The following CAB39 variants were observed in gnomAD, a reference collection of about 807,000 sequenced individuals.
CAB39 encodes the protein calcium-binding protein 39.
CAB39 carries 8 observed loss-of-function variants against 40.0 expected under a neutral mutation model. The ratio of observed to expected loss-of-function variants is 0.20; its 90% CI spans 0.12 to 0.36. CAB39 has a LOEUF of 0.36. Ranked by LOEUF, CAB39 falls within the 10% of genes least tolerant of loss-of-function variation. The pLI is 1.00. For synonymous variants in CAB39, 156 were observed against 141.6 expected, an observed-to-expected ratio of 1.10 and a Z score of -0.72; for missense variants, 270 against 401.1, an observed-to-expected ratio of 0.67 and a Z score of 2.79.
In CAB39 at chr2:230,793,210, T is replaced by C. The variant is rs750698504; in HGVS notation, c.280-3T>C. ...AATGTGTTAATGATTGTATTCCTAA[T>C]AGGGCAAAAAAGACGTGGCTCAAAT... is the stretch of plus-strand genomic sequence containing the variant. On this transcript the variant is annotated splice_polypyrimidine_tract_variant and splice_region_variant and intron_variant, in intron 3 of 8. Transcript: ENST00000258418. 12 of 1,571,106 alleles carry C rather than the reference T, an allele frequency of 7.6e-6. No individual in the cohort carries two copies. Among genetic ancestry groups the C allele is most frequent in the Admixed American group, 3.4e-5 (2 of 59,248 alleles).
intron 1 of CAB39, among the ~76,000 whole-genome samples, chr2:230,752,406 C>CT (rs1484283211): frequency 1.3e-5 from 2 of 152,142 alleles, no homozygotes; most frequent in South Asian, 2.1e-4. Context: ...GTTCTGAAGA[C>CT]TAAGTCCCAG....
intron 2 of CAB39, among the ~76,000 whole-genome samples, chr2:230,789,142 A>G (rs1695848969): frequency 6.6e-6 from 1 of 152,038 alleles, no homozygotes; most frequent in Non-Finnish European, 1.5e-5. Flanking sequence ...ATTCTTATCT[A>G]CTATCTAATC....
rs76668184 is a variant in CAB39, at chr2:230,723,572, C to G, written c.-44+10342C>G. ...TTGTCTCACCTCCCAGACCCTTTTGCTCCTTTTAGTGCCCCACACTGTCCT... is the reference window on the plus strand; with the variant it reads ...TTGTCTCACCTCCCAGACCCTTTTGGTCCTTTTAGTGCCCCACACTGTCCT... On this transcript the variant is annotated intron_variant, in intron 1 of 8. Coordinates refer to ENST00000258418, the MANE Select transcript of CAB39 (RefSeq NM_016289.4). Among the ~76,000 whole-genome samples the G allele has an allele frequency of 8.7e-4, 133 of 152,296 alleles. 1 individual carries two copies. In the East Asian group the frequency reaches 0.021, roughly 24 times the overall value.
At chr2:230,761,050 CAG>C (rs1257607692) in intron 2 of CAB39, among the ~76,000 whole-genome samples, 2 of 149,554 alleles carry the variant, frequency 1.3e-5, no homozygotes, top group Non-Finnish European at 3.0e-5. Flanking sequence ...AGAAGTGTTT[CAG>C]AGTTTGGATT....
chr2:230,744,798 C>T (rs1694944954), intron 1 of CAB39, among the ~76,000 whole-genome samples: 1 of 152,206 alleles, frequency 6.6e-6, no homozygotes, highest in African/African-American at 2.4e-5. Flanking sequence ...GTATGAGTCT[C>T]TCAATAAGTA....
intron 1 of CAB39, among the ~76,000 whole-genome samples, chr2:230,732,804 G>T (rs556927519): frequency 2.0e-5 from 3 of 152,154 alleles, no homozygotes; most frequent in Non-Finnish European, 2.9e-5. Context: ...GCAACTAGTT[G>T]CCCACCTGGC....
At chr2:230,727,411 T>G (rs1694605543) in intron 1 of CAB39, among the ~76,000 whole-genome samples, 1 of 145,670 alleles carries the variant, frequency 6.9e-6, no homozygotes, top group Admixed American at 6.7e-5. Context: ...TTTTTTTTTC[T>G]TTTTCTTTTT....
At chr2:230,733,096 G>C (rs1053255310) in intron 1 of CAB39, among the ~76,000 whole-genome samples, 3 of 152,164 alleles carry the variant, frequency 2.0e-5, no homozygotes, top group Non-Finnish European at 2.9e-5. Context: ...ACATGCACAG[G>C]AAAGTTGACT....
At chr2:230,731,633 GC>G (rs1358835418) in intron 1 of CAB39, among the ~76,000 whole-genome samples, 1 of 152,172 alleles carries the variant, frequency 6.6e-6, no homozygotes, top group African/African-American at 2.4e-5. Flanking sequence ...CTCTCAAGTA[GC>G]TAGGACTACA....
At chr2:230,778,089 T>C (rs1369689671) in intron 2 of CAB39, among the ~76,000 whole-genome samples, 4 of 152,172 alleles carry the variant, frequency 2.6e-5, no homozygotes, top group African/African-American at 9.7e-5. Flanking sequence ...TTTTGTAAGG[T>C]TTTTAATGTC....
intron 1 of CAB39, among the ~76,000 whole-genome samples, chr2:230,735,164 T>G (rs892934006): frequency 2.0e-5 from 3 of 152,120 alleles, no homozygotes; most frequent in African/African-American, 7.2e-5. Flanking sequence ...AGCCATTATT[T>G]TATTTATTTT....
At chr2:230,743,533 GA>G (rs1490142083) in intron 1 of CAB39, among the ~76,000 whole-genome samples, 1 of 152,156 alleles carries the variant, frequency 6.6e-6, no homozygotes, top group Admixed American at 6.5e-5. Flanking sequence ...TAAAAATATT[GA>G]AAGTTTTGCC....
intron 1 of CAB39, among the ~76,000 whole-genome samples, chr2:230,740,686 G>A (rs538410185): frequency 1.4e-4 from 22 of 152,166 alleles, no homozygotes; most frequent in Non-Finnish European, 2.8e-4. Flanking sequence ...TAGGGTTCAC[G>A]CTCCTGTGAG....
intron 2 of CAB39, among the ~76,000 whole-genome samples, chr2:230,769,069 C>T (rs1162209782): frequency 1.3e-5 from 2 of 152,000 alleles, no homozygotes; most frequent in African/African-American, 4.8e-5. Flanking sequence ...AAAAGATAAA[C>T]TTTGTTAACA....
At position 230,727,517 on chromosome 2, in the gene CAB39, T is replaced by C. The variant is rs147006597; in HGVS notation, c.-44+14287T>C. Among the ~76,000 whole-genome samples, 1,318 of 150,916 alleles carry C rather than the reference T, an allele frequency of 8.7e-3. 10 individuals carry two copies. The highest frequency in any genetic ancestry group is 0.031 in the African/African-American group (1,257 of 41,086). On this transcript the variant is annotated intron_variant, in intron 1 of 8. Coordinates refer to ENST00000258418, the MANE Select transcript of CAB39 (RefSeq NM_016289.4). ...GTAGCCTCAACCTTCTGGGCTTGAG[T>C]GATCCTCCCTCCTCAGCTTCCTGAG...
At chr2:230,740,102 A>T (rs745746378) in intron 1 of CAB39, among the ~76,000 whole-genome samples, 5 of 152,206 alleles carry the variant, frequency 3.3e-5, no homozygotes, top group Non-Finnish European at 2.9e-5. Flanking sequence ...TTTTATGAAT[A>T]TGTGTGCATC....
intron 6 of CAB39, among the ~76,000 whole-genome samples, chr2:230,813,123 A>G (rs944112941): frequency 6.6e-6 from 1 of 152,228 alleles, no homozygotes; most frequent in Non-Finnish European, 1.5e-5. Flanking sequence ...CTAGTGCTGC[A>G]GACTTTCAGA....
rs1400305429 is a variant in CAB39 at position 230,748,330 on chromosome 2, T to C, written c.-43-11629T>C. Among the ~76,000 whole-genome samples, 3 of 152,172 alleles carry C rather than the reference T, an allele frequency of 2.0e-5. 1 individual carries two copies. The highest frequency in any genetic ancestry group is 4.4e-5 in the Non-Finnish European group (3 of 68,022). ...TGGGCAAGGGAGAGTCAAATTTTGA[T>C]AGATGATGCTTTGTACTTCCTATTG... On this transcript the variant is annotated intron_variant, in intron 1 of 8. Transcript: ENST00000258418.
intron 2 of CAB39, among the ~76,000 whole-genome samples, chr2:230,770,066 A>G (rs1695455692): frequency 6.6e-6 from 1 of 152,198 alleles, no homozygotes; most frequent in African/African-American, 2.4e-5. Flanking sequence ...TATCTATGTT[A>G]AAATATATTT....
Sources: gnomAD v4.1 joint callset for allele counts (sites outside exome capture counted in the v4.1 genomes callset) on GRCh38, gnomAD v4.1.1 for gene constraint, MANE v1.5 for transcripts, NCBI Gene and HGNC (gene_info 2026-07-23, HGNC 2026-07-21) for gene names.